Variants in CSMD1 observed in about 807,000 individuals in gnomAD.
CSMD1 encodes the protein CUB and Sushi multiple domains 1.
Under a neutral mutation model 417.5 loss-of-function variants are expected in CSMD1, and 213 were observed. The ratio of observed to expected loss-of-function variants is 0.51; its 90% confidence interval spans 0.46 to 0.57. CSMD1 has a LOEUF of 0.57. Ranked by LOEUF, CSMD1 falls within the 20% of genes least tolerant of loss-of-function variation. CSMD1 has a pLI of 0.00. For synonymous variants in CSMD1, 2,862 were observed against 1,736.8 expected (o/e 1.65, Z -16.11); for missense variants, 6,923 against 4,529.7 (o/e 1.53, Z -15.17).
chr8:4,605,641 T>A (rs1326339356), intron 2 of CSMD1, among the ~76,000 whole-genome samples: 1 of 152,240 alleles, frequency 6.6e-6, no homozygotes, highest in African/African-American at 2.4e-5. Flanking sequence ...CTTCCTTTTT[T>A]AAAATTATCT....
In CSMD1 at chr8:4,925,810, G is replaced by C. The variant is rs182038294; in HGVS notation, c.85+68522C>G. 8.1e-3 allele frequency among the ~76,000 whole-genome samples: 1,237 copies of C among 152,254 alleles called. 13 individuals are homozygous for C. Among genetic ancestry groups the C allele is most frequent in the African/African-American group, 0.028 (1,155 of 41,554 alleles). ...GATCCGCCCTCCTCGGCCTCCCAAA[G>C]TGTTGGGATTACAGGCGTGAGCCCT... is the stretch of plus-strand genomic sequence containing the variant. On this transcript the variant is annotated intron_variant, in intron 1 of 69. Transcript: ENST00000635120.
chr8:3,442,335 C>G (rs1815037368), intron 12 of CSMD1, among the ~76,000 whole-genome samples: 1 of 152,120 alleles, frequency 6.6e-6, no homozygotes, highest in African/African-American at 2.4e-5. Context: ...TGGTAATGTC[C>G]TAGGCCTTCA....
chr8:3,276,694 C>T (rs1015881866), intron 26 of CSMD1, among the ~76,000 whole-genome samples: 3 of 152,104 alleles, frequency 2.0e-5, no homozygotes, highest in Admixed American at 6.6e-5. Context: ...AAAGGCTTTA[C>T]TATGAAAATT....
intron 10 of CSMD1, among the ~76,000 whole-genome samples, chr8:3,562,679 C>G (rs914414071): frequency 7.3e-5 from 11 of 151,606 alleles, no homozygotes; most frequent in Non-Finnish European, 1.5e-4. Context: ...TTTAAAGACA[C>G]TATTATAGTT....
intron 65 of CSMD1, among the ~76,000 whole-genome samples, chr8:2,952,689 T>C (rs77760652): frequency 1.0e-5 from 1 of 99,674 alleles, no homozygotes; most frequent in Non-Finnish European, 2.1e-5. Flanking sequence ...ACATAAAAAA[T>C]ATCTTCCCTA....
chr8:3,171,703 T>C (rs1382803084), intron 37 of CSMD1, among the ~76,000 whole-genome samples: 1 of 152,224 alleles, frequency 6.6e-6, no homozygotes, highest in Non-Finnish European at 1.5e-5. Flanking sequence ...AAAGGAATTA[T>C]TTAAAAAAAT....
chr8:4,119,666 G>A (rs948962215), intron 3 of CSMD1, among the ~76,000 whole-genome samples: 30 of 152,180 alleles, frequency 2.0e-4, no homozygotes, highest in African/African-American at 7.0e-4. Flanking sequence ...GCACACACTT[G>A]CAAGCCAGGA....
intron 26 of CSMD1, among the ~76,000 whole-genome samples, chr8:3,261,370 A>C (rs1801047347): frequency 1.3e-5 from 2 of 152,196 alleles, no homozygotes; most frequent in Non-Finnish European, 2.9e-5. Flanking sequence ...AGAGAAATAG[A>C]AACTTACGTT....
At chr8:4,383,691 G>T (rs1042397639) in intron 3 of CSMD1, among the ~76,000 whole-genome samples, 4 of 152,118 alleles carry the variant, frequency 2.6e-5, no homozygotes, top group African/African-American at 9.7e-5. Context: ...ATATTACAGT[G>T]TGGGAAACCT....
chr8:3,029,050 T>C (rs1328832772), intron 51 of CSMD1, among the ~76,000 whole-genome samples: 1 of 152,152 alleles, frequency 6.6e-6, no homozygotes, highest in Non-Finnish European at 1.5e-5. Context: ...TTTGTATTTG[T>C]CTTTGAGCTG....
intron 3 of CSMD1, among the ~76,000 whole-genome samples, chr8:4,095,735 C>T (rs370799789): frequency 8.5e-5 from 13 of 152,132 alleles, no homozygotes; most frequent in South Asian, 2.1e-4. Context: ...GTTCAAGTCA[C>T]GTAGTTTTAT....
chr8:3,752,315 C>T (rs1026671725), intron 6 of CSMD1, among the ~76,000 whole-genome samples: 1 of 152,094 alleles, frequency 6.6e-6, no homozygotes, highest in Non-Finnish European at 1.5e-5. Context: ...CTTCCGGCAA[C>T]ATCAGAAGGC....
intron 3 of CSMD1, among the ~76,000 whole-genome samples, chr8:4,271,645 A>T (rs573586906): frequency 2.0e-5 from 3 of 152,194 alleles, no homozygotes; most frequent in African/African-American, 7.2e-5. Context: ...AAAGGAAAAG[A>T]AAAGAAATGG....
intron 3 of CSMD1, among the ~76,000 whole-genome samples, chr8:4,127,472 AAAAAAAAG>A (rs1458313375): frequency 1.7e-4 from 24 of 137,774 alleles, no homozygotes; most frequent in Non-Finnish European, 2.9e-4. Context: ...AAAAAAAAAA[AAAAAAAAG>A]AAAATCATAA....
At chr8:3,673,323 AT>A (rs1299367947) in intron 7 of CSMD1, among the ~76,000 whole-genome samples, 1 of 152,214 alleles carries the variant, frequency 6.6e-6, no homozygotes, top group Non-Finnish European at 1.5e-5. Flanking sequence ...TAAACTGAAA[AT>A]TCAGCAAGTA....
At chr8:3,811,061 A>T (rs1310679779) in intron 5 of CSMD1, among the ~76,000 whole-genome samples, 1 of 152,232 alleles carries the variant, frequency 6.6e-6, no homozygotes, top group Non-Finnish European at 1.5e-5. Flanking sequence ...TGAATTCTAA[A>T]GAGCTGTTTT....
At chr8:3,728,563 C>A (rs868800710) in intron 6 of CSMD1, among the ~76,000 whole-genome samples, 2 of 152,142 alleles carry the variant, frequency 1.3e-5, no homozygotes, top group African/African-American at 2.4e-5. Flanking sequence ...GTTCCAAGAG[C>A]CTTTCAGTGG....
At chr8:3,399,337 C>T in intron 16 of CSMD1, 54 bp downstream of exon 16, 2 of 1,487,106 alleles carry the variant, frequency 1.3e-6, no homozygotes, top group Non-Finnish European at 1.8e-6. Context: ...TTTACTAAAA[C>T]TATGGAAGAG....
intron 12 of CSMD1, among the ~76,000 whole-genome samples, chr8:3,455,509 T>C (rs1816057718): frequency 6.6e-6 from 1 of 152,226 alleles, no homozygotes; most frequent in South Asian, 2.1e-4. Context: ...GTCCTTTCTG[T>C]TTGTTAGTTT....
Sources: allele counts gnomAD v4.1 joint callset (sites outside exome capture counted in the v4.1 genomes callset), GRCh38; gene constraint gnomAD v4.1.1; transcripts MANE v1.5; gene names NCBI Gene and HGNC (gene_info 2026-07-23, HGNC 2026-07-21).